Variants in EVC2 observed in about 807,000 individuals in gnomAD.
EVC2 encodes the protein limbin.
Under a neutral mutation model 149.3 loss-of-function variants are expected in EVC2, and 148 were observed. The observed-to-expected ratio is 0.99, with a 90% CI of 0.87 to 1.14. The LOEUF is 1.14. Among genes scored for constraint, EVC2 ranks in the 50% most tolerant of loss-of-function variants. EVC2 has a pLI of 0.00. For missense variants in EVC2, 1,854 were observed against 1,627.3 expected (o/e 1.14, Z -2.40); for synonymous variants, 776 against 649.9 (o/e 1.19, Z -2.95).
At chr4:5,673,615 C>A (rs528812352) in intron 7 of EVC2, among the ~76,000 whole-genome samples, 2 of 152,206 alleles carry the variant, frequency 1.3e-5, no homozygotes, top group African/African-American at 4.8e-5. Flanking sequence ...AAAGAATCAT[C>A]CACGATTACC....
chr4:5,669,134 C>T (rs1434179208), intron 7 of EVC2, among the ~76,000 whole-genome samples: 1 of 152,176 alleles, frequency 6.6e-6, no homozygotes, highest in Non-Finnish European at 1.5e-5. Flanking sequence ...GATGCTTCTC[C>T]AGGGTCTTTA....
At chr4:5,546,336 T>C (rs1407029803) in intron 21 of EVC2, among the ~76,000 whole-genome samples, 1 of 152,156 alleles carries the variant, frequency 6.6e-6, no homozygotes, top group Non-Finnish European at 1.5e-5. Flanking sequence ...AACGATAGAC[T>C]GGATTAAGGA....
intron 16 of EVC2, among the ~76,000 whole-genome samples, chr4:5,593,601 G>A (rs1016880836): frequency 1.7e-4 from 26 of 152,282 alleles, no homozygotes; most frequent in African/African-American, 5.5e-4. Flanking sequence ...AAAGATGGCC[G>A]AATAGGAACA....
the EVC2 span, among the ~76,000 whole-genome samples, chr4:5,530,877 AG>A: frequency 6.6e-6 from 1 of 152,188 alleles, no homozygotes; most frequent in Non-Finnish European, 1.5e-5. Flanking sequence ...ATCATCTAAC[AG>A]GTGCTGAGAA....
At position 5,576,113 on chromosome 4, in the gene EVC2, A is replaced by C; in HGVS notation, c.3272+127T>G. The C allele has an allele frequency of 6.7e-7, 1 of 1,487,806 alleles. No homozygotes were observed. The highest frequency in any genetic ancestry group is 9.3e-7 in the Non-Finnish European group (1 of 1,080,848). 92.2% of individuals were successfully genotyped at this position (1,487,806 alleles called of 1,614,324 possible). A position where few individuals can be genotyped will look rare whatever the true frequency, so the allele number is the denominator to read the frequency against. On this transcript the variant is annotated intron_variant, in intron 18 of 21. Coordinates refer to ENST00000344408, the MANE Select transcript of EVC2 (RefSeq NM_147127.5). This position sits in a 1 kb window ranked among gnomAD's most constrained non-coding sequence, Gnocchi z 4.5. ...AAAGCCAGCAGCTCGTGTTGGAGCA[A>C]TGGGATGACACCTTAGGCAAGAGGG...
At chr4:5,550,127 C>T (rs955132758) in intron 21 of EVC2, among the ~76,000 whole-genome samples, 2 of 152,232 alleles carry the variant, frequency 1.3e-5, no homozygotes, top group East Asian at 1.9e-4. Flanking sequence ...TGAACTAATA[C>T]AGTAAATTGG....
intron 19 of EVC2, among the ~76,000 whole-genome samples, chr4:5,572,959 G>A (rs778871936): frequency 9.2e-5 from 14 of 152,134 alleles, no homozygotes; most frequent in Admixed American, 2.6e-4. Context: ...GAGCAGTGGC[G>A]GGCCCTCATG....
chr4:5,562,322 C>G (rs1262297866), downstream of EVC2: 1 of 488,220 alleles, frequency 2.0e-6, no homozygotes. This position sits in a 1 kb window ranked among gnomAD's most constrained non-coding sequence, Gnocchi z 4.3. Context: ...GTTTTGGCAA[C>G]TGGAGCGATA....
Position 5,568,644 on chromosome 4 carries a change from C to T in EVC2, c.3361-4G>A. The T allele has an allele frequency of 6.2e-7, 1 of 1,606,092 alleles. No individual in the cohort carries two copies. Among genetic ancestry groups the T allele is most frequent in the Non-Finnish European group, 8.5e-7 (1 of 1,179,686 alleles). ...GGTACGATGCCAGTCTCAGCTCCTACAGGAAACAACAGAGGGAGTTCAGAC... is the reference window on the plus strand; with the variant it reads ...GGTACGATGCCAGTCTCAGCTCCTATAGGAAACAACAGAGGGAGTTCAGAC... On this transcript the variant is annotated splice_region_variant and splice_polypyrimidine_tract_variant and intron_variant, in intron 19 of 21. Transcript: ENST00000344408.
At position 5,578,472 on chromosome 4, in the gene EVC2, G is replaced by A. The variant is rs372770504; in HGVS notation, c.3058-2018C>T. Among the ~76,000 whole-genome samples the A allele has an allele frequency of 7.9e-5, 12 of 152,340 alleles. No individual in the cohort carries two copies. In the East Asian group the frequency reaches 2.3e-3, roughly 29 times the overall value. On this transcript the variant is annotated intron_variant, in intron 17 of 21. Transcript: ENST00000344408. ...TATGTATAAGGTAACTGAGGCAAGA[G>A]AGTATAACGAAATCTCCTGAAATCA...
chr4:5,702,061 TGA>T (rs1476351024), intron 1 of EVC2, among the ~76,000 whole-genome samples: 1 of 152,134 alleles, frequency 6.6e-6, no homozygotes, highest in African/African-American at 2.4e-5. Flanking sequence ...AAAGGAAACA[TGA>T]GAGTGGGTCA....
chr4:5,638,114 C>T (rs1036270889), intron 10 of EVC2, among the ~76,000 whole-genome samples: 17 of 152,118 alleles, frequency 1.1e-4, no homozygotes, highest in Admixed American at 4.6e-4. Context: ...ATTGGCCATG[C>T]GTGGTGGCTC....
At chr4:5,574,537 A>G (rs765427500) in intron 19 of EVC2, 148 bp downstream of exon 19, 3 of 776,928 alleles carry the variant, frequency 3.9e-6, no homozygotes, top group Non-Finnish European at 6.7e-6. Flanking sequence ...TGCTGGGCCC[A>G]TGCTAGAGCT....
intron 16 of EVC2, among the ~76,000 whole-genome samples, chr4:5,600,980 C>G (rs1713928500): frequency 6.6e-6 from 1 of 152,226 alleles, no homozygotes; most frequent in Non-Finnish European, 1.5e-5. Flanking sequence ...AACCCCAGCT[C>G]TCTTCCTGCA....
intron 6 of EVC2, among the ~76,000 whole-genome samples, chr4:5,685,150 C>A (rs1720609500): frequency 6.6e-6 from 1 of 152,126 alleles, no homozygotes; most frequent in African/African-American, 2.4e-5. Context: ...ATGTGAGGCC[C>A]AGAGGGGTTA....
chr4:5,624,470 T>C (rs1404558868), intron 13 of EVC2, among the ~76,000 whole-genome samples: 1 of 152,190 alleles, frequency 6.6e-6, no homozygotes, highest in Non-Finnish European at 1.5e-5. Context: ...ACCTACCAGG[T>C]GTCAGGCAGT....
chr4:5,692,498 TG>T (rs1721182563), intron 3 of EVC2, among the ~76,000 whole-genome samples: 1 of 152,226 alleles, frequency 6.6e-6, no homozygotes, highest in Non-Finnish European at 1.5e-5. Context: ...TCCCCAGGCC[TG>T]TGTGACTCCA....
In EVC2 at chr4:5,657,451, A is replaced by T. The variant is rs1006676824; in HGVS notation, c.1145+5656T>A. Among the ~76,000 whole-genome samples the T allele has an allele frequency of 1.3e-5, 2 of 152,110 alleles. No homozygotes were observed. Among genetic ancestry groups the T allele is most frequent in the Non-Finnish European group, 2.9e-5 (2 of 68,032 alleles). ...TGTCCCAGCCACAGGACATCCTTGG[A>T]GGAAGCTGGGTAGCCTGAAGAGCCA... On this transcript the variant is annotated intron_variant, in intron 9 of 21. Transcript: ENST00000344408. This position sits in a 1 kb window ranked among gnomAD's most constrained non-coding sequence, Gnocchi z 4.7.
intron 9 of EVC2, among the ~76,000 whole-genome samples, chr4:5,650,475 A>C (rs4266236): frequency 1.3e-5 from 2 of 151,304 alleles, no homozygotes; most frequent in African/African-American, 4.9e-5. Context: ...ATGAGCTCAG[A>C]TGGTTTATTC....
Sources: allele counts gnomAD v4.1 joint callset (sites outside exome capture counted in the v4.1 genomes callset), GRCh38; gene constraint gnomAD v4.1.1; non-coding constraint Gnocchi (gnomAD v3.1); transcripts MANE v1.5; gene names NCBI Gene and HGNC (gene_info 2026-07-23, HGNC 2026-07-21).